Variants in ANKRD26 observed in about 807,000 individuals in gnomAD.
The protein encoded by ANKRD26 is ankyrin repeat domain-containing protein 26.
In ANKRD26, 141 loss-of-function variants were observed where a neutral mutation model predicts 208.7. That is an observed-to-expected ratio of 0.68 (90% confidence interval 0.59 to 0.78). The LOEUF (loss-of-function observed/expected upper bound fraction) is 0.78, where lower values mean the gene tolerates loss of function less well. ANKRD26 is among the 30% of genes least tolerant of loss of function. The pLI, the probability that ANKRD26 is intolerant of heterozygous loss-of-function variation, is 0.00. For synonymous variants in ANKRD26, 636 were observed against 660.4 expected, an observed-to-expected ratio of 0.96 and a Z score of 0.57; for missense variants, 1,889 against 1,938.7, an observed-to-expected ratio of 0.97 and a Z score of 0.48.
At chr10:26,951,019 C>CTTTT in the ANKRD26 span, among the ~76,000 whole-genome samples, 6 of 48,598 alleles carry the variant, frequency 1.2e-4, no homozygotes, top group East Asian at 9.0e-4. Flanking sequence ...TTTTCTTTTT[C>CTTTT]TTTTTTTTTT....
Position 27,037,928 on chromosome 10 carries a change from T to C in ANKRD26, c.2502A>G (p.Glu834=). 1 of 1,613,492 alleles carries C rather than the reference T, an allele frequency of 6.2e-7. No individual in the cohort carries two copies. The highest frequency in any genetic ancestry group is 1.3e-5 in the African/African-American group (1 of 75,048). The change falls in exon 22 of 34, where the codon GAA becomes GAG. Residue 834 remains glutamate, a synonymous_variant. Transcript: ENST00000376087. ...RKEVEVKQQL[E]LSLQTLEMEL... is the part of the protein sequence containing the mutation. ...CCATCTCCAGTGTTTGGAGACTCAG[T>C]TCAAGCTGTTGTTTCACTTCAACTT...
At position 27,028,870 on chromosome 10, in the gene ANKRD26, G is replaced by A. The variant is rs1289839740; in HGVS notation, c.3954C>T (p.Asn1318=). ...QMDKIEELQK[N]LLNANLSEDE... ...GACTTACCAAATTTGCATTTAACAG[G>A]TTTTTCTGAAGCTCCTCAATTTTGT... Residue 1318 remains asparagine (N), a synonymous_variant, in exon 27 of 34, where the codon AAC becomes AAT. Transcript: ENST00000376087. 1.9e-6 allele frequency: 3 copies of A among 1,612,960 alleles called. No homozygotes were observed. In the East Asian group the frequency reaches 6.7e-5, roughly 36 times the overall value.
chr10:26,962,483 G>A, the ANKRD26 span, among the ~76,000 whole-genome samples: 1 of 152,134 alleles, frequency 6.6e-6, no homozygotes, highest in Non-Finnish European at 1.5e-5. Flanking sequence ...GCTGAGGCAG[G>A]AGAATCACTT....
At chr10:27,061,756 A>G (rs1367506950) in intron 12 of ANKRD26, among the ~76,000 whole-genome samples, 1 of 151,892 alleles carries the variant, frequency 6.6e-6, no homozygotes, top group African/African-American at 2.4e-5. Context: ...GTAGAGATGC[A>G]GTCTTGCCAT....
the ANKRD26 span, among the ~76,000 whole-genome samples, chr10:26,953,804 T>G: frequency 7.4e-4 from 113 of 152,362 alleles, no homozygotes; most frequent in African/African-American, 2.4e-3. Flanking sequence ...GGTGAGGGTT[T>G]AATATGCCTG....
At chr10:27,083,150 C>A (rs1331577154) in intron 5 of ANKRD26, among the ~76,000 whole-genome samples, 1 of 152,110 alleles carries the variant, frequency 6.6e-6, no homozygotes. Context: ...TTTTTACACT[C>A]AATAATCACT....
chr10:27,045,778 T>C (rs1180091355), intron 18 of ANKRD26, among the ~76,000 whole-genome samples: 3 of 152,142 alleles, frequency 2.0e-5, no homozygotes, highest in Non-Finnish European at 2.9e-5. Context: ...AAAATCCATA[T>C]ATGATAGTTT....
At chr10:27,087,980 C>G (rs1201940240) in intron 4 of ANKRD26, among the ~76,000 whole-genome samples, 2 of 151,980 alleles carry the variant, frequency 1.3e-5, no homozygotes, top group Non-Finnish European at 2.9e-5. Flanking sequence ...CCAATGGGGT[C>G]TTGCTATGTT....
chr10:27,075,768 A>G (rs750115021), intron 9 of ANKRD26, among the ~76,000 whole-genome samples: 3 of 152,226 alleles, frequency 2.0e-5, no homozygotes, highest in Non-Finnish European at 4.4e-5. Context: ...GATATTTACC[A>G]AACATTCTAC....
At chr10:27,007,363 A>C (rs1358455533) in intron 32 of ANKRD26, among the ~76,000 whole-genome samples, 2 of 152,168 alleles carry the variant, frequency 1.3e-5, no homozygotes, top group Admixed American at 6.5e-5. Context: ...TCCTTAAAAT[A>C]AACTTTCTGG....
chr10:26,989,033 G>C (rs2052440809), downstream of ANKRD26, among the ~76,000 whole-genome samples: 1 of 152,162 alleles, frequency 6.6e-6, no homozygotes, highest in East Asian at 1.9e-4. Context: ...AATCTTCTAT[G>C]ATAGGGACAA....
downstream of ANKRD26, among the ~76,000 whole-genome samples, chr10:26,990,222 C>T (rs573518035): frequency 6.6e-6 from 1 of 152,276 alleles, no homozygotes; most frequent in South Asian, 2.1e-4. Flanking sequence ...TAAATATGTG[C>T]ATGGCAATTC....
intron 28 of ANKRD26, among the ~76,000 whole-genome samples, chr10:27,023,244 A>G (rs1488129972): frequency 6.6e-6 from 1 of 152,092 alleles, no homozygotes; most frequent in Non-Finnish European, 1.5e-5. Flanking sequence ...TGGGAGGCGG[A>G]GCCAGGAGAA....
chr10:27,000,877 C>T (rs34873765), downstream of ANKRD26, among the ~76,000 whole-genome samples: 2,780 of 151,894 alleles, frequency 0.018, 156 homozygotes, highest in East Asian at 0.16. Context: ...GGCATGGTGG[C>T]GGCACCTGTA....
At position 26,995,108 on chromosome 10, in the gene ANKRD26, TC is replaced by T. The variant is rs1257566090; in HGVS notation, c.601del (p.Met201IlefsTer22). 4.2e-6 allele frequency: 2 copies of T among 471,150 alleles called. No individual in the cohort carries two copies. Among genetic ancestry groups the T allele is most frequent in the South Asian group, 3.1e-5 (2 of 64,566 alleles). The allele number at this position is 471,150 out of a possible 1,614,324, so 29.2% of individuals were successfully genotyped here. On this transcript the variant is annotated frameshift_variant, in exon 5 of 6. Transcript: ENST00000445828. LOFTEE classifies it high-confidence loss of function. The stretch of plus-strand genomic sequence containing the variant: ...GTCCTGGAAGTGAGACATTGGTCAG[TC>T]ATCAGAACATAGTCATGAGGGGTTT...
intron 9 of ANKRD26, among the ~76,000 whole-genome samples, chr10:27,076,823 A>C (rs1038666746): frequency 8.5e-5 from 13 of 152,178 alleles, no homozygotes; most frequent in Non-Finnish European, 1.8e-4. Flanking sequence ...TGAACAGACC[A>C]GTAATAAGCA....
intron 28 of ANKRD26, among the ~76,000 whole-genome samples, chr10:27,023,241 C>T (rs188546384): frequency 5.1e-4 from 78 of 151,660 alleles, no homozygotes; most frequent in Middle Eastern, 3.4e-3. Context: ...AGTTGGGAGG[C>T]GGAGCCAGGA....
At chr10:27,039,842 A>G (rs1470539048) in intron 21 of ANKRD26, 123 bp downstream of exon 21, 1 of 796,688 alleles carries the variant, frequency 1.3e-6, no homozygotes, top group Non-Finnish European at 2.1e-6. Context: ...AGAATTTCAC[A>G]CTCCACAAGA....
At chr10:27,029,793 G>A (rs1311354408) in intron 25 of ANKRD26, among the ~76,000 whole-genome samples, 1 of 152,154 alleles carries the variant, frequency 6.6e-6, no homozygotes, top group African/African-American at 2.4e-5. Flanking sequence ...CAATGCCAGT[G>A]ATTATAAAAA....
Sources: gnomAD v4.1 joint callset for allele counts (sites outside exome capture counted in the v4.1 genomes callset) on GRCh38, gnomAD v4.1.1 for gene constraint, MANE v1.5 for transcripts, NCBI Gene and HGNC (gene_info 2026-07-23, HGNC 2026-07-21) for gene names.